Variants in LPP observed in about 807,000 individuals in gnomAD.
The protein encoded by LPP is lipoma-preferred partner.
Under a neutral mutation model 60.4 loss-of-function variants are expected in LPP, and 38 were observed. That is an observed-to-expected ratio of 0.63 (90% CI 0.49 to 0.83). The LOEUF (loss-of-function observed/expected upper bound fraction) is 0.83, where lower values mean the gene tolerates loss of function less well. Ranked by LOEUF, LPP falls within the 40% of genes least tolerant of loss-of-function variation. The pLI, the probability that LPP is intolerant of heterozygous loss-of-function variation, is 0.00. For synonymous variants in LPP, 328 were observed against 290.8 expected (o/e 1.13, Z -1.30); for missense variants, 902 against 783.6 (o/e 1.15, Z -1.80).
chr3:188,718,315 C>T (rs752482441), intron 8 of LPP, among the ~76,000 whole-genome samples: 3 of 152,122 alleles, frequency 2.0e-5, no homozygotes, highest in Non-Finnish European at 4.4e-5. Context: ...GGACAGTCTC[C>T]GATGGCATGA....
chr3:188,420,907 A>G (rs1787614459), intron 4 of LPP, among the ~76,000 whole-genome samples: 1 of 152,176 alleles, frequency 6.6e-6, no homozygotes, highest in Non-Finnish European at 1.5e-5. Flanking sequence ...ATATGTATAT[A>G]TTTAATTTAT....
chr3:188,711,989 A>C (rs565656110), intron 8 of LPP: 1 of 152,340 alleles, frequency 6.6e-6, no homozygotes, highest in Non-Finnish European at 1.5e-5. Context: ...CAGGGAATAA[A>C]ACCACTGGAG....
intron 2 of LPP, among the ~76,000 whole-genome samples, chr3:188,311,128 G>C (rs55979093): frequency 3.3e-5 from 5 of 151,850 alleles, no homozygotes; most frequent in African/African-American, 9.7e-5. Flanking sequence ...AATTGAGGCC[G>C]GGTGCAGTGG....
intron 6 of LPP, among the ~76,000 whole-genome samples, chr3:188,602,646 T>C (rs1841597769): frequency 6.6e-6 from 1 of 151,572 alleles, no homozygotes; most frequent in South Asian, 2.1e-4. Flanking sequence ...CTTTTATAGG[T>C]ACCTCGACCC....
chr3:188,579,674 G>A (rs7648416), intron 6 of LPP, among the ~76,000 whole-genome samples: 46,885 of 149,184 alleles, frequency 0.31, 8,247 homozygotes, highest in East Asian at 0.52. Flanking sequence ...TTAAACCCCA[G>A]TGAGGCTGGG....
chr3:188,245,624 A>G (rs113903509), intron 2 of LPP, among the ~76,000 whole-genome samples: 2,578 of 152,138 alleles, frequency 0.017, 68 homozygotes, highest in African/African-American at 0.056. Flanking sequence ...AATAAAATAG[A>G]AGGCATGCTT....
chr3:188,438,574 G>C (rs2149231560), intron 4 of LPP, among the ~76,000 whole-genome samples: 1 of 152,268 alleles, frequency 6.6e-6, no homozygotes, highest in Admixed American at 6.5e-5. Context: ...TAACTACACT[G>C]TTCTTCCCAT....
chr3:188,670,819 A>T (rs1223930678), intron 7 of LPP, among the ~76,000 whole-genome samples: 1 of 152,156 alleles, frequency 6.6e-6, no homozygotes, highest in Non-Finnish European at 1.5e-5. Context: ...GGGATTCCAA[A>T]TGGTCACATC....
chr3:188,330,837 C>CAGTA lies in LPP; in HGVS notation c.-66-10804_-66-10801dup, dbSNP rs1182719133. The stretch of plus-strand genomic sequence containing the variant: ...CCTCAGAATAAGTCAGTCAGTCAGT[C>CAGTA]AGTAAGTAAGTAAGTAAGTAAGTAA... On this transcript the variant is annotated intron_variant, in intron 2 of 11. Coordinates refer to ENST00000617246, the MANE Select transcript of LPP (RefSeq NM_001375462.1). 8.7e-5 allele frequency among the ~76,000 whole-genome samples: 12 copies of CAGTA among 137,232 alleles called. No homozygotes were observed. The South Asian group carries it at 9.4e-4, about 11-fold the overall frequency. 90.0% of individuals were successfully genotyped at this position (137,232 alleles called of 152,430 possible). A position where few individuals can be genotyped will look rare whatever the true frequency, so the allele number is the denominator to read the frequency against.
At chr3:188,655,352 A>G (rs948444836) in intron 7 of LPP, among the ~76,000 whole-genome samples, 8 of 152,182 alleles carry the variant, frequency 5.3e-5, no homozygotes, top group Non-Finnish European at 1.2e-4. Flanking sequence ...GATGAGGGAA[A>G]GGACATCAGA....
intron 8 of LPP, among the ~76,000 whole-genome samples, chr3:188,736,957 A>G (rs1188655387): frequency 6.6e-6 from 1 of 152,130 alleles, no homozygotes; most frequent in Non-Finnish European, 1.5e-5. Flanking sequence ...ATTTGGGAAA[A>G]TATTATCTTG....
At chr3:188,543,170 T>G (rs1825673577) in intron 6 of LPP, among the ~76,000 whole-genome samples, 1 of 152,206 alleles carries the variant, frequency 6.6e-6, no homozygotes, top group African/African-American at 2.4e-5. Flanking sequence ...AGAGGCCATG[T>G]CCTGCCTTTA....
At chr3:188,457,444 T>C (rs1269187593) in intron 4 of LPP, among the ~76,000 whole-genome samples, 1 of 152,146 alleles carries the variant, frequency 6.6e-6, no homozygotes, top group Non-Finnish European at 1.5e-5. Context: ...GGAAAATCCA[T>C]TAAAATTAGA....
At position 188,795,060 on chromosome 3, in the gene LPP, G is replaced by A. The variant is rs1175458335; in HGVS notation, c.1410+34778G>A. On this transcript the variant is annotated intron_variant, in intron 9 of 11. Coordinates refer to ENST00000617246, the MANE Select transcript of LPP (RefSeq NM_001375462.1). ...TGAGGCAGGAGAATTGCTTGAACCC[G>A]GGAGGTGGAGGTTGCAGTGAGCTGA... Among the ~76,000 whole-genome samples, 11 of 152,246 alleles carry A rather than the reference G, an allele frequency of 7.2e-5. No homozygotes were observed. In the East Asian group the frequency reaches 1.7e-3, roughly 24 times the overall value.
intron 2 of LPP, among the ~76,000 whole-genome samples, chr3:188,242,089 G>A (rs370616585): frequency 1.5e-4 from 23 of 152,206 alleles, no homozygotes; most frequent in South Asian, 1.2e-3. Context: ...GTCCTTTGGC[G>A]TTAAGACAGA....
chr3:188,646,765 C>T (rs571962593), intron 7 of LPP, among the ~76,000 whole-genome samples: 9 of 152,316 alleles, frequency 5.9e-5, no homozygotes, highest in Admixed American at 5.9e-4. Flanking sequence ...AGTTTCTCAG[C>T]TAGGAACAAA....
intron 3 of LPP, among the ~76,000 whole-genome samples, chr3:188,371,641 ATTTTTTTTTTTTTTTT>A (rs1158606459): frequency 6.2e-5 from 2 of 32,170 alleles, no homozygotes; most frequent in African/African-American, 1.2e-4. Context: ...ATATATATAT[ATTTTTTTTTTTTTTTT>A]TTTTTTTTTT....
chr3:188,540,632 A>G (rs1045216810), intron 6 of LPP, among the ~76,000 whole-genome samples: 1 of 152,216 alleles, frequency 6.6e-6, no homozygotes, highest in Non-Finnish European at 1.5e-5. Context: ...GAAGACCATT[A>G]TAGTATCTAT....
At chr3:188,656,351 C>G (rs1456977028) in intron 7 of LPP, among the ~76,000 whole-genome samples, 2 of 152,170 alleles carry the variant, frequency 1.3e-5, no homozygotes, top group Non-Finnish European at 2.9e-5. Flanking sequence ...TGCCTTCAAG[C>G]TCACAGCCTG....
Sources: allele counts gnomAD v4.1 joint callset (sites outside exome capture counted in the v4.1 genomes callset), GRCh38; gene constraint gnomAD v4.1.1; transcripts MANE v1.5; gene names NCBI Gene and HGNC (gene_info 2026-07-23, HGNC 2026-07-21).